The following PLPBP variants were observed in gnomAD, a reference collection of about 807,000 sequenced individuals.
PLPBP encodes the protein pyridoxal phosphate homeostasis protein.
Under a neutral mutation model 31.2 loss-of-function variants are expected in PLPBP, and 21 were observed. The observed-to-expected ratio is 0.67, with a 90% CI of 0.48 to 0.97. The LOEUF (loss-of-function observed/expected upper bound fraction) is 0.97, where lower values mean the gene tolerates loss of function less well. Among genes scored for constraint, PLPBP ranks in the 50% least tolerant of loss-of-function variants. PLPBP has a pLI of 0.00. For missense variants in PLPBP, 308 were observed against 354.4 expected (o/e 0.87, Z 1.05); for synonymous variants, 124 against 135.6 (o/e 0.91, Z 0.59).
intron 1 of PLPBP, 149 bp from the exon 2 acceptor site, chr8:37,765,377 T>A: frequency 1.4e-6 from 1 of 706,966 alleles, no homozygotes; most frequent in Non-Finnish European, 2.5e-6. Flanking sequence ...CACTATTTGA[T>A]ATTGATCTGC....
intron 5 of PLPBP, 146 bp downstream of exon 5, chr8:37,773,035 T>A (rs1213026283): frequency 1.0e-6 from 1 of 1,004,220 alleles, no homozygotes; most frequent in Non-Finnish European, 1.5e-6. Flanking sequence ...GTTTTATGTG[T>A]GATCTAGGTA....
In PLPBP at chr8:37,778,106, C is replaced by G. The variant is rs1382084258; in HGVS notation, c.*2C>G. The G allele has an allele frequency of 6.2e-7, 1 of 1,612,096 alleles. No homozygotes were observed. Among genetic ancestry groups the G allele is most frequent in the Non-Finnish European group, 8.5e-7 (1 of 1,178,730 alleles). ...CTGGAGGTGGCACAGGAGCACTGAG[C>G]CAGGGAATACTGAGAGCACTAACTA... On this transcript the variant is annotated 3_prime_UTR_variant, in exon 8 of 8. Coordinates refer to ENST00000328195, the MANE Select transcript of PLPBP (RefSeq NM_007198.4).
At chr8:37,773,403 C>T (rs1803825695) in intron 5 of PLPBP, among the ~76,000 whole-genome samples, 1 of 151,134 alleles carries the variant, frequency 6.6e-6, no homozygotes, top group Admixed American at 6.6e-5. Context: ...CATGACCTCT[C>T]AAGTGATCCA....
intron 4 of PLPBP, among the ~76,000 whole-genome samples, chr8:37,768,673 C>T (rs1404934714): frequency 6.6e-6 from 1 of 151,744 alleles, no homozygotes; most frequent in Non-Finnish European, 1.5e-5. Context: ...TGCGGTTTCA[C>T]CATCTTGGCT....
chr8:37,772,931 G>T, intron 5 of PLPBP, 42 bp downstream of exon 5: 2 of 1,609,922 alleles, frequency 1.2e-6, no homozygotes, highest in Non-Finnish European at 1.7e-6. Flanking sequence ...CTTCCTTTAG[G>T]ATGGTTGAAG....
At chr8:37,775,596 T>C in intron 6 of PLPBP, 115 bp downstream of exon 6, 10 of 1,448,642 alleles carry the variant, frequency 6.9e-6, no homozygotes, top group Non-Finnish European at 9.4e-6. Flanking sequence ...GCCTGTTGAG[T>C]GTTCTAGCCC....
intron 7 of PLPBP, among the ~76,000 whole-genome samples, chr8:37,776,478 CAAAAAAAAAAAA>C (rs915875297): frequency 2.4e-3 from 25 of 10,634 alleles, no homozygotes; most frequent in Non-Finnish European, 2.8e-3. Context: ...GACTCCATCT[CAAAAAAAAAAAA>C]AAAAAAAAAA....
chr8:37,778,103 G>C lies in PLPBP; in HGVS notation c.827G>C (p.Ter276SerextTer5), dbSNP rs142848609. The change falls in exon 8 of 8, where the codon TGA (stop) becomes TCA (serine). Residue 276 changes from the stop codon to serine, a stop_lost. Coordinates refer to ENST00000328195, the MANE Select transcript of PLPBP (RefSeq NM_007198.4). ...CCGCTGGAGGTGGCACAGGAGCACT[G>C]AGCCAGGGAATACTGAGAGCACTAA... is the stretch of plus-strand genomic sequence containing the variant. ...KAPLEVAQEH* is the reference protein window; with the variant it reads ...KAPLEVAQEHS The C allele has an allele frequency of 1.9e-6, 3 of 1,612,588 alleles. No individual in the cohort carries two copies. The highest frequency in any genetic ancestry group is 2.5e-6 in the Non-Finnish European group (3 of 1,179,028).
At chr8:37,764,907 A>G (rs1490417642) in intron 1 of PLPBP, among the ~76,000 whole-genome samples, 2 of 152,200 alleles carry the variant, frequency 1.3e-5, no homozygotes, top group African/African-American at 4.8e-5. Flanking sequence ...ACAGTGGCTC[A>G]TGCCTGTAAT....
At chr8:37,770,974 G>A (rs1367915589) in intron 4 of PLPBP, among the ~76,000 whole-genome samples, 1 of 152,126 alleles carries the variant, frequency 6.6e-6, no homozygotes, top group Admixed American at 6.5e-5. Flanking sequence ...TTGTTTTAGT[G>A]CCATTTTCCC....
intron 4 of PLPBP, among the ~76,000 whole-genome samples, chr8:37,770,646 C>T (rs972407309): frequency 2.6e-5 from 4 of 152,212 alleles, no homozygotes; most frequent in Non-Finnish European, 4.4e-5. Flanking sequence ...GGCATGATCT[C>T]GGCTCACTGC....
intron 4 of PLPBP, among the ~76,000 whole-genome samples, chr8:37,768,315 T>C (rs1414379810): frequency 6.6e-6 from 1 of 152,148 alleles, no homozygotes; most frequent in Non-Finnish European, 1.5e-5. Flanking sequence ...TGTGAAGTAG[T>C]GTAACACACC....
At chr8:37,769,075 C>T (rs1254040994) in intron 4 of PLPBP, among the ~76,000 whole-genome samples, 1 of 152,072 alleles carries the variant, frequency 6.6e-6, no homozygotes, top group Non-Finnish European at 1.5e-5. Context: ...TGGCTCACAC[C>T]TGTAAATCTA....
At chr8:37,776,751 A>G (rs1302586224) in intron 7 of PLPBP, among the ~76,000 whole-genome samples, 1 of 152,098 alleles carries the variant, frequency 6.6e-6, no homozygotes, top group African/African-American at 2.4e-5. Context: ...ACGATGAAGC[A>G]GCCTAAGGCT....
At chr8:37,768,337 C>G (rs931336947) in intron 4 of PLPBP, among the ~76,000 whole-genome samples, 18 of 151,912 alleles carry the variant, frequency 1.2e-4, no homozygotes, top group African/African-American at 4.4e-4. Flanking sequence ...TGAAGGTGGA[C>G]TGTTGTAAGT....
intron 7 of PLPBP, 69 bp from the exon 8 acceptor site, chr8:37,777,904 C>T: frequency 6.6e-7 from 1 of 1,515,124 alleles, no homozygotes; most frequent in Non-Finnish European, 9.0e-7. Context: ...AATGGGGGCA[C>T]AGCTTCAGCA....
intron 5 of PLPBP, among the ~76,000 whole-genome samples, chr8:37,774,374 T>C (rs1341809092): frequency 1.3e-5 from 2 of 152,258 alleles, no homozygotes; most frequent in Non-Finnish European, 2.9e-5. Flanking sequence ...TAACCTTGGA[T>C]AAGTTACCTA....
At position 37,778,292 on chromosome 8, in the gene PLPBP, A is replaced by G; in HGVS notation, c.*188A>G. 1 of 550,606 alleles carries G rather than the reference A, an allele frequency of 1.8e-6. No homozygotes were observed. Among genetic ancestry groups the G allele is most frequent in the Non-Finnish European group, 3.0e-6 (1 of 337,410 alleles). 34.1% of individuals were successfully genotyped at this position (550,606 alleles called of 1,614,324 possible). On this transcript the variant is annotated 3_prime_UTR_variant, in exon 8 of 8. Transcript: ENST00000328195. ...TGCTTCAGGCAATGGCTTTGGATTG[A>G]GTTTGAGAAATTCAAACATTTCTGC...
intron 5 of PLPBP, 197 bp from the exon 6 acceptor site, chr8:37,775,142 A>G (rs1167645417): frequency 2.1e-6 from 1 of 483,296 alleles, no homozygotes; most frequent in African/African-American, 2.0e-5. Flanking sequence ...TCTTTTCTTG[A>G]GAAATTTAGA....
Sources: allele counts gnomAD v4.1 joint callset (sites outside exome capture counted in the v4.1 genomes callset), GRCh38; gene constraint gnomAD v4.1.1; transcripts MANE v1.5; gene names NCBI Gene and HGNC (gene_info 2026-07-23, HGNC 2026-07-21).